The following KIF20B variants were observed in gnomAD, a reference collection of about 807,000 sequenced individuals.
The protein encoded by KIF20B is kinesin family member 20B.
Under a neutral mutation model 232.5 loss-of-function variants are expected in KIF20B, and 188 were observed. The observed-to-expected ratio is 0.81, with a 90% CI of 0.72 to 0.91. KIF20B has a LOEUF of 0.91. KIF20B is among the 40% of genes least tolerant of loss of function. The pLI, the probability that KIF20B is intolerant of heterozygous loss-of-function variation, is 0.00. For synonymous variants in KIF20B, 712 were observed against 683.0 expected (o/e 1.04, Z -0.66); for missense variants, 2,154 against 2,055.9 (o/e 1.05, Z -0.92).
In KIF20B at chr10:89,727,966, ATTTG is replaced by A. The variant is rs1195149040; in HGVS notation, c.2271+74_2271+77del. 1.2e-5 allele frequency: 16 copies of A among 1,324,594 alleles called. No homozygotes were observed. In the Admixed American group the frequency reaches 1.7e-4, roughly 14 times the overall value. 82.1% of individuals were successfully genotyped at this position (1,324,594 alleles called of 1,614,324 possible). On this transcript the variant is annotated intron_variant, in intron 17 of 32. Transcript: ENST00000371728. Reference sequence around the variant, plus strand: ...ACAAAGGGGTATGAATGATGACTAGATTTGTTTATTTTAAAAAATAATTAAACAG... The same window carrying A: ...ACAAAGGGGTATGAATGATGACTAGATTTATTTTAAAAAATAATTAAACAG...
chr10:89,763,393 T>C (rs1842286309), intron 29 of KIF20B, among the ~76,000 whole-genome samples: 1 of 152,216 alleles, frequency 6.6e-6, no homozygotes, highest in South Asian at 2.1e-4. Flanking sequence ...TGATGGTGGA[T>C]TTTACTGGAG....
At chr10:89,740,462 A>G (rs1448832237) in intron 21 of KIF20B, among the ~76,000 whole-genome samples, 1 of 152,062 alleles carries the variant, frequency 6.6e-6, no homozygotes, top group Non-Finnish European at 1.5e-5. Flanking sequence ...ACCTCACTGT[A>G]CAATAGTTCT....
intron 29 of KIF20B, chr10:89,766,538 G>A (rs1298078297): frequency 4.6e-5 from 7 of 152,122 alleles, no homozygotes; most frequent in African/African-American, 1.7e-4. Context: ...GAATGCAGAA[G>A]CCTCAGGAGC....
intron 7 of KIF20B, 147 bp from the exon 8 acceptor site, chr10:89,714,808 C>G (rs905667258): frequency 1.7e-6 from 1 of 574,478 alleles, no homozygotes; most frequent in African/African-American, 2.0e-5. Context: ...TTTACATCTT[C>G]CTTTGTTCCA....
Position 89,738,154 on chromosome 10 carries a change from AAGG to A in KIF20B, c.3316_3318del (p.Glu1106del). On this transcript the variant is annotated inframe_deletion, in exon 20 of 33. Transcript: ENST00000371728. ...GGATGAAAACAATAGACTAAAGGAG[AAGG>A]AGCATAAAAACCAAGATGACCTACT... The A allele has an allele frequency of 6.2e-7, 1 of 1,609,164 alleles. No individual in the cohort carries two copies. The highest frequency in any genetic ancestry group is 8.5e-7 in the Non-Finnish European group (1 of 1,179,358).
intron 29 of KIF20B, among the ~76,000 whole-genome samples, chr10:89,765,045 C>A (rs1300633785): frequency 4.0e-5 from 6 of 151,572 alleles, no homozygotes; most frequent in African/African-American, 1.5e-4. Flanking sequence ...ACGTTTAAGT[C>A]TTTAATCCAT....
Position 89,738,232 on chromosome 10 carries a change from A to G in KIF20B, c.3391A>G (p.Lys1131Glu), listed in dbSNP as rs141907832. Residue 1131 changes from lysine (K) to glutamate (E), a missense_variant, in exon 20 of 33, where the codon AAA becomes GAA. Coordinates refer to ENST00000371728, the MANE Select transcript of KIF20B (RefSeq NM_001284259.2). ...IQQLKEELQEKNVTLDVQIQH... is the reference protein window; with the variant it reads ...IQQLKEELQEENVTLDVQIQH... ...GCAGCTGAAAGAAGAATTGCAAGAA[A>G]AAAATGTTACTCTTGATGTTCAAAT... 175 of 1,602,788 alleles carry G rather than the reference A, an allele frequency of 1.1e-4. No individual in the cohort carries two copies. In the East Asian group the frequency reaches 3.8e-3, roughly 35 times the overall value.
intron 11 of KIF20B, among the ~76,000 whole-genome samples, chr10:89,718,308 G>T (rs1842977603): frequency 1.3e-5 from 2 of 152,042 alleles, no homozygotes; most frequent in African/African-American, 4.8e-5. Context: ...AGGATTGCTT[G>T]AGCCCAGGAG....
Position 89,715,094 on chromosome 10 carries a change from T to A in KIF20B, c.852T>A (p.Tyr284Ter), listed in dbSNP as rs200892725. 1.1e-4 allele frequency: 182 copies of A among 1,609,180 alleles called. No homozygotes were observed. Among genetic ancestry groups the A allele is most frequent in the Non-Finnish European group, 8.3e-5 (98 of 1,177,380 alleles). ...SFFEIYNEYI[Y>*]DLFVPVSSKF... is the part of the protein sequence containing the mutation. ...TTGAAATTTACAATGAATATATTTA[T>A]GACTTATTTGTTCCTGTATCATCTA... Residue 284 changes from tyrosine to a stop codon, truncating the protein, a stop_gained, in exon 8 of 33, where the codon TAT becomes TAA. Transcript: ENST00000371728. LOFTEE classifies it high-confidence loss of function.
chr10:89,745,548 TA>T (rs2133141286), intron 22 of KIF20B, among the ~76,000 whole-genome samples: 1 of 151,780 alleles, frequency 6.6e-6, no homozygotes, highest in African/African-American at 2.4e-5. Flanking sequence ...AATAAATAAA[TA>T]AATAAAGACA....
chr10:89,711,335 A>T (rs1434445489), intron 6 of KIF20B, among the ~76,000 whole-genome samples, 190 bp downstream of exon 6: 2 of 152,180 alleles, frequency 1.3e-5, no homozygotes, highest in Non-Finnish European at 2.9e-5. Context: ...AACAGCAAGA[A>T]TGTTTAAACA....
At chr10:89,731,318 ATCAATATTTGTAAATTAGTTAGTCC>A (rs753442372) in intron 18 of KIF20B, among the ~76,000 whole-genome samples, 33 of 152,344 alleles carry the variant, frequency 2.2e-4, no homozygotes, top group Non-Finnish European at 4.6e-4. Flanking sequence ...TAGTAAAAAA[ATCAATATTTGTAAATTAGTTAGTCC>A]TTGCTTGTAA....
chr10:89,745,745 G>T (rs1841896658), intron 22 of KIF20B, among the ~76,000 whole-genome samples, 154 bp from the exon 23 acceptor site: 1 of 152,008 alleles, frequency 6.6e-6, no homozygotes, highest in Non-Finnish European at 1.5e-5. Context: ...CAAGATGAAA[G>T]ACAGTTGGAA....
chr10:89,768,787 C>T lies in KIF20B; in HGVS notation c.5141C>T (p.Ala1714Val). The change falls in exon 31 of 33, where the codon GCA becomes GTA. Residue 1714 changes from alanine to valine, a missense_variant. By Grantham distance (64) the Ala-to-Val change is moderately conservative (BLOSUM62 0). Transcript: ENST00000371728. Reference sequence around the variant, plus strand: ...AAAACATATTCTTTACGGAGTCAGGCATCCATAATTGGTGTAAACCTGGCC... The same window carrying T: ...AAAACATATTCTTTACGGAGTCAGGTATCCATAATTGGTGTAAACCTGGCC... Reference protein sequence around the residue: ...SKKTYSLRSQASIIGVNLATK... With the variant: ...SKKTYSLRSQVSIIGVNLATK... 2 of 1,606,888 alleles carry T rather than the reference C, an allele frequency of 1.2e-6. No individual in the cohort carries two copies. Among genetic ancestry groups the T allele is most frequent in the Non-Finnish European group, 8.5e-7 (1 of 1,177,340 alleles).
chr10:89,709,095 T>A, intron 2 of KIF20B, 72 bp from the exon 3 acceptor site: 2 of 981,228 alleles, frequency 2.0e-6, no homozygotes, highest in Non-Finnish European at 3.2e-6. Context: ...AAAGTAGCCA[T>A]GTTAAGGAAA....
At position 89,714,042 on chromosome 10, in the gene KIF20B, T is replaced by C. The variant is rs749193734; in HGVS notation, c.676-5T>C. ...TTTAATTTTTTAAAACAATCTTTTTTTTAGGTTACTGTGCATAATGATAGT... is the reference window on the plus strand; with the variant it reads ...TTTAATTTTTTAAAACAATCTTTTTCTTAGGTTACTGTGCATAATGATAGT... On this transcript the variant is annotated splice_polypyrimidine_tract_variant and splice_region_variant and intron_variant, in intron 6 of 32. Transcript: ENST00000371728. 1.4e-6 allele frequency: 2 copies of C among 1,390,664 alleles called. No individual in the cohort carries two copies. The highest frequency in any genetic ancestry group is 5.0e-5 in the East Asian group (2 of 39,902). The allele number at this position is 1,390,664 out of a possible 1,614,324, so 86.1% of individuals were successfully genotyped here.
intron 5 of KIF20B, 114 bp downstream of exon 5, chr10:89,710,179 A>G (rs973615094): frequency 8.2e-6 from 7 of 852,380 alleles, no homozygotes; most frequent in Non-Finnish European, 1.2e-5. Context: ...CGTTTGCTCT[A>G]TTTTTAATAG....
At chr10:89,715,981 A>C (rs1240031254) in intron 8 of KIF20B, among the ~76,000 whole-genome samples, 1 of 151,556 alleles carries the variant, frequency 6.6e-6, no homozygotes, top group Middle Eastern at 3.4e-3. Flanking sequence ...ACAGAGTGAA[A>C]CCTTGTCTCC....
At chr10:89,702,137 C>T (rs1842625191) in intron 1 of KIF20B, among the ~76,000 whole-genome samples, 1 of 152,164 alleles carries the variant, frequency 6.6e-6, no homozygotes, top group Non-Finnish European at 1.5e-5. Context: ...GCCTGTTTTG[C>T]CACACCTAGT....
Sources: gnomAD v4.1 joint callset for allele counts (sites outside exome capture counted in the v4.1 genomes callset) on GRCh38, gnomAD v4.1.1 for gene constraint, MANE v1.5 for transcripts, NCBI Gene and HGNC (gene_info 2026-07-23, HGNC 2026-07-21) for gene names.